TPMT: variants seen among roughly 807,000 people sequenced by gnomAD.
TPMT encodes thiopurine S-methyltransferase.
In TPMT, 18 loss-of-function variants were observed where a neutral mutation model predicts 34.2. The ratio of observed to expected loss-of-function variants is 0.53; its 90% CI spans 0.36 to 0.78. The LOEUF (loss-of-function observed/expected upper bound fraction) is 0.78, where lower values mean the gene tolerates loss of function less well. TPMT is among the 30% of genes least tolerant of loss of function. The probability of loss-of-function intolerance (pLI) is 0.00; values close to 1 mark genes in which losing one functional copy is unlikely to be tolerated. For synonymous variants in TPMT, 69 were observed against 92.4 expected (o/e 0.75, Z 1.45); for missense variants, 265 against 288.1 (o/e 0.92, Z 0.58).
chr6:18,132,189 A>G lies in TPMT; in HGVS notation c.581-12T>C, dbSNP rs753862345. 2.5e-5 allele frequency: 40 copies of G among 1,613,628 alleles called. No individual in the cohort carries two copies. The East Asian group carries it at 8.7e-4, about 35-fold the overall frequency. ...ATAAAATGGTGGACCTAGGTAAAAG[A>G]GAAATAAATTCTGAGTTTATTTCCA... is the stretch of plus-strand genomic sequence containing the variant. On this transcript the variant is annotated splice_polypyrimidine_tract_variant and intron_variant, in intron 7 of 8. Transcript: ENST00000309983. This position sits in a 1 kb window ranked among gnomAD's most constrained non-coding sequence, Gnocchi z 4.8.
rs1784034707 is a variant in TPMT at position 18,135,914 on chromosome 6, C to T, written c.495-2025G>A. Among the ~76,000 whole-genome samples the T allele has an allele frequency of 6.6e-6, 1 of 152,082 alleles. No individual in the cohort carries two copies. Among genetic ancestry groups the T allele is most frequent in the Non-Finnish European group, 1.5e-5 (1 of 68,008 alleles). ...CTACCAGTACATAGTAAACTAATAT[C>T]GCCCTTGCTCAGAGTGCAGTTCACT... On this transcript the variant is annotated intron_variant, in intron 6 of 8. Coordinates refer to ENST00000309983, the MANE Select transcript of TPMT (RefSeq NM_000367.5). This position sits in a 1 kb window ranked among gnomAD's most constrained non-coding sequence, Gnocchi z 5.0.
chr6:18,137,591 AT>A (rs1172248516), intron 6 of TPMT, among the ~76,000 whole-genome samples: 1 of 152,168 alleles, frequency 6.6e-6, no homozygotes, highest in African/African-American at 2.4e-5. Flanking sequence ...TCATATTTTA[AT>A]TTTATTTTCT....
intron 7 of TPMT, 85 bp downstream of exon 7, chr6:18,133,719 A>G (rs1226511407): frequency 1.9e-6 from 2 of 1,048,142 alleles, no homozygotes; most frequent in African/African-American, 3.2e-5. Context: ...AAATTAGGAG[A>G]AAATAATTCT....
chr6:18,152,825 G>C (rs1194956625), intron 1 of TPMT, among the ~76,000 whole-genome samples: 1 of 152,088 alleles, frequency 6.6e-6, no homozygotes, highest in Non-Finnish European at 1.5e-5. Context: ...CCTTTCAAAA[G>C]ATTCTACCAC....
In TPMT at chr6:18,133,806, G is replaced by C; in HGVS notation, c.578C>G (p.Pro193Arg). Residue 193 changes from proline (P) to arginine (R), a missense_variant and splice_region_variant, in exon 7 of 9, where the codon CCA (proline) becomes CGA (arginine). Transcript: ENST00000309983. ...AAAAAAAAACCCAACAACTTTACCT[G>C]GATGTTTAGTTGGATCATAAGAAAG... ...CVLSYDPTKH[P>R]GPPFYVPHAE... 5 of 1,592,100 alleles carry C rather than the reference G, an allele frequency of 3.1e-6. No individual in the cohort carries two copies. Among genetic ancestry groups the C allele is most frequent in the Non-Finnish European group, 4.3e-6 (5 of 1,172,906 alleles).
At position 18,134,841 on chromosome 6, in the gene TPMT, C is replaced by T. The variant is rs555383380; in HGVS notation, c.495-952G>A. 1.7e-4 allele frequency among the ~76,000 whole-genome samples: 26 copies of T among 152,244 alleles called. No individual in the cohort carries two copies. The South Asian group carries it at 3.5e-3, about 21-fold the overall frequency. On this transcript the variant is annotated intron_variant, in intron 6 of 8. Transcript: ENST00000309983. ...TGAGGGATAAGGAGAGGACAGGAGA[C>T]GCATGCAGGGTGGTAGAGAGGCCAT...
chr6:18,137,126 G>GT (rs11448292), intron 6 of TPMT, among the ~76,000 whole-genome samples: 109,234 of 149,944 alleles, frequency 0.73, 39,656 homozygotes, highest in East Asian at 0.77. Context: ...AGCCTAACCT[G>GT]TTTTTTTTTT....
rs946147015 is a variant in TPMT, at chr6:18,150,029, T to C, written c.-44-858A>G. Among the ~76,000 whole-genome samples the C allele has an allele frequency of 1.3e-5, 2 of 152,156 alleles. No individual in the cohort carries two copies. Among genetic ancestry groups the C allele is most frequent in the African/African-American group, 4.8e-5 (2 of 41,430 alleles). The stretch of plus-strand genomic sequence containing the variant: ...AATTCTGACATTACCTACCTGGAGA[T>C]AGTGTCAGATTCTATATGTTGGGGG... On this transcript the variant is annotated intron_variant, in intron 1 of 8. Coordinates refer to ENST00000309983, the MANE Select transcript of TPMT (RefSeq NM_000367.5). The surrounding 1 kb of genome is among the most constrained non-coding windows in gnomAD (Gnocchi z 5.3).
Position 18,128,753 on chromosome 6 carries a change from T to G in TPMT, c.*1915A>C, listed in dbSNP as rs1783876432. 6.6e-6 allele frequency: 1 copy of G among 152,656 alleles called. No homozygotes were observed. Among genetic ancestry groups the G allele is most frequent in the Admixed American group, 6.5e-5 (1 of 15,284 alleles). 9.5% of individuals were successfully genotyped at this position (152,656 alleles called of 1,614,324 possible). On this transcript the variant is annotated 3_prime_UTR_variant, in exon 9 of 9. Transcript: ENST00000309983. The surrounding 1 kb of genome is among the most constrained non-coding windows in gnomAD (Gnocchi z 4.6). ...TCTTTCTTTTGAGACAGAGTCTTGC[T>G]CTGTTGCCCAGGCTTGCGTGCAGTG...
In TPMT at chr6:18,147,875, T is replaced by C; in HGVS notation, c.181A>G (p.Ser61Gly). The change falls in exon 3 of 9, where the codon AGT becomes GGT. Residue 61 changes from serine (S) to glycine (G), a missense_variant. Ser to Gly is a moderately conservative substitution (Grantham distance 56, BLOSUM62 0). Transcript: ENST00000309983. ...KHLDTFLKGKSGLRVFFPLCG... is the reference protein window; with the variant it reads ...KHLDTFLKGKGGLRVFFPLCG... Reference sequence around the variant, plus strand: ...AGAGGAAAAAATACCCTCAGTCCACTCTTGCCTTTAAGGAAAGTATCTAAA... The same window carrying C: ...AGAGGAAAAAATACCCTCAGTCCACCCTTGCCTTTAAGGAAAGTATCTAAA... 1 of 1,613,846 alleles carries C rather than the reference T, an allele frequency of 6.2e-7. No individual in the cohort carries two copies. The highest frequency in any genetic ancestry group is 1.3e-5 in the African/African-American group (1 of 74,984).
At position 18,148,856 on chromosome 6, in the gene TPMT, G is replaced by C; in HGVS notation, c.140+132C>G. The C allele has an allele frequency of 7.5e-7, 1 of 1,333,292 alleles. No individual in the cohort carries two copies. The highest frequency in any genetic ancestry group is 2.3e-5 in the East Asian group (1 of 43,152). 82.6% of individuals were successfully genotyped at this position (1,333,292 alleles called of 1,614,324 possible). Reference sequence around the variant, plus strand: ...TCATGCCACAGATGCACTGTGACTCGGGAGACACAAAAATGTGAAGAATTA... The same window carrying C: ...TCATGCCACAGATGCACTGTGACTCCGGAGACACAAAAATGTGAAGAATTA... On this transcript the variant is annotated intron_variant, in intron 2 of 8. Transcript: ENST00000309983. The surrounding 1 kb of genome is among the most constrained non-coding windows in gnomAD (Gnocchi z 4.1).
At chr6:18,152,321 C>T (rs749182196) in intron 1 of TPMT, among the ~76,000 whole-genome samples, 1 of 152,116 alleles carries the variant, frequency 6.6e-6, no homozygotes, top group Non-Finnish European at 1.5e-5. Context: ...CTCTCCTGTC[C>T]TGGCTATCCT....
At position 18,145,972 on chromosome 6, in the gene TPMT, CA is replaced by C. The variant is rs933224712; in HGVS notation, c.233+1850del. 1.8e-4 allele frequency among the ~76,000 whole-genome samples: 27 copies of C among 152,166 alleles called. No homozygotes were observed. The highest frequency in any genetic ancestry group is 6.3e-4 in the African/African-American group (26 of 41,550). On this transcript the variant is annotated intron_variant, in intron 3 of 8. Coordinates refer to ENST00000309983, the MANE Select transcript of TPMT (RefSeq NM_000367.5). This position sits in a 1 kb window ranked among gnomAD's most constrained non-coding sequence, Gnocchi z 5.6. Reference sequence around the variant, plus strand: ...CCTGGGTGACAGAGTGGGACTGTCTCAAAAAACCAAAAACCTAAACCTAAAT... The same window carrying C: ...CCTGGGTGACAGAGTGGGACTGTCTCAAAAACCAAAAACCTAAACCTAAAT...
In TPMT at chr6:18,136,805, T is replaced by C. The variant is rs2842952; in HGVS notation, c.494+2158A>G. ...AGCCTGGGCAACAAGAGCGAAACTC[T>C]GTCTCGAAAAAAAAGATTTGATTTT... On this transcript the variant is annotated intron_variant, in intron 6 of 8. Coordinates refer to ENST00000309983, the MANE Select transcript of TPMT (RefSeq NM_000367.5). This position sits in a 1 kb window ranked among gnomAD's most constrained non-coding sequence, Gnocchi z 4.7. 0.78 allele frequency among the ~76,000 whole-genome samples: 118,001 copies of C among 152,128 alleles called. 45,847 individuals are homozygous for C. The highest frequency in any genetic ancestry group is 0.82 in the East Asian group (4,199 of 5,146).
In TPMT at chr6:18,140,018, A is replaced by G. The variant is rs1784113264; in HGVS notation, c.367-301T>C. Among the ~76,000 whole-genome samples, 1 of 152,180 alleles carries G rather than the reference A, an allele frequency of 6.6e-6. No individual in the cohort carries two copies. The highest frequency in any genetic ancestry group is 2.1e-4 in the South Asian group (1 of 4,832). ...TAACAATGTTTCCTCGAGCAGAGTG[A>G]TATTTTTACTCTGCTAAAGATAAAT... On this transcript the variant is annotated intron_variant, in intron 4 of 8. Transcript: ENST00000309983. The surrounding 1 kb of genome is among the most constrained non-coding windows in gnomAD (Gnocchi z 4.7).
rs750864036 is a variant in TPMT at position 18,146,183 on chromosome 6, A to AT, written c.233+1639_233+1640insA. On this transcript the variant is annotated intron_variant, in intron 3 of 8. Coordinates refer to ENST00000309983, the MANE Select transcript of TPMT (RefSeq NM_000367.5). The surrounding 1 kb of genome is among the most constrained non-coding windows in gnomAD (Gnocchi z 6.2). The stretch of plus-strand genomic sequence containing the variant: ...GCTCAGTTCATATATATATATACAT[A>AT]AAAATAACTGTATTTACGTATATAT... 0.025 allele frequency among the ~76,000 whole-genome samples: 3,868 copies of AT among 151,888 alleles called. 69 individuals are homozygous for AT. Among genetic ancestry groups the AT allele is most frequent in the Non-Finnish European group, 0.038 (2,585 of 67,950 alleles).
rs1322992054 is a variant in TPMT, at chr6:18,146,632, A to C, written c.233+1191T>G. Among the ~76,000 whole-genome samples the C allele has an allele frequency of 6.6e-6, 1 of 152,174 alleles. No individual in the cohort carries two copies. Among genetic ancestry groups the C allele is most frequent in the African/African-American group, 2.4e-5 (1 of 41,450 alleles). On this transcript the variant is annotated intron_variant, in intron 3 of 8. Coordinates refer to ENST00000309983, the MANE Select transcript of TPMT (RefSeq NM_000367.5). This position sits in a 1 kb window ranked among gnomAD's most constrained non-coding sequence, Gnocchi z 6.2. The stretch of plus-strand genomic sequence containing the variant: ...TTGTTACCATTTATGGTGACATCAC[A>C]TGACAATCTGTTTATAGAGTTAATT...
rs1784098042 is a variant in TPMT, at chr6:18,139,325, G to A, written c.420-288C>T. Among the ~76,000 whole-genome samples, 1 of 152,148 alleles carries A rather than the reference G, an allele frequency of 6.6e-6. No individual in the cohort carries two copies. The highest frequency in any genetic ancestry group is 2.4e-5 in the African/African-American group (1 of 41,428). ...ACTCTGCCCCCAGCCTCTGGCTCAG[G>A]TATCAGGGACTTTCAGGAGATGAGC... On this transcript the variant is annotated intron_variant, in intron 5 of 8. Transcript: ENST00000309983. The surrounding 1 kb of genome is among the most constrained non-coding windows in gnomAD (Gnocchi z 4.2).
Position 18,148,214 on chromosome 6 carries a change from G to C in TPMT, c.141-299C>G, listed in dbSNP as rs1784284862. The stretch of plus-strand genomic sequence containing the variant: ...TATGTACTATTTTGGGGGTGATGGA[G>C]CCTCTGGAGCCATGGATTTTTCAAC... On this transcript the variant is annotated intron_variant, in intron 2 of 8. Transcript: ENST00000309983. This position sits in a 1 kb window ranked among gnomAD's most constrained non-coding sequence, Gnocchi z 4.1. Among the ~76,000 whole-genome samples, 1 of 152,102 alleles carries C rather than the reference G, an allele frequency of 6.6e-6. No homozygotes were observed. Among genetic ancestry groups the C allele is most frequent in the Admixed American group, 6.5e-5 (1 of 15,268 alleles).
Sources: allele counts gnomAD v4.1 joint callset (sites outside exome capture counted in the v4.1 genomes callset), GRCh38; gene constraint gnomAD v4.1.1; non-coding constraint Gnocchi (gnomAD v3.1); transcripts MANE v1.5; gene names NCBI Gene and HGNC (gene_info 2026-07-23, HGNC 2026-07-21).